Variants in EPHA3 observed in about 807,000 individuals in gnomAD.
EPHA3 encodes ephrin type-A receptor 3.
Under a neutral mutation model 107.1 loss-of-function variants are expected in EPHA3, and 42 were observed. That is an observed-to-expected ratio of 0.39 (90% CI 0.31 to 0.51). The LOEUF is 0.51. EPHA3 is among the 20% of genes least tolerant of loss of function. The pLI is 0.78. For synonymous variants in EPHA3, 461 were observed against 424.8 expected (o/e 1.09, Z -1.05); for missense variants, 1,183 against 1,211.2 (o/e 0.98, Z 0.35).
intron 1 of EPHA3, among the ~76,000 whole-genome samples, chr3:89,126,046 C>T (rs1704090588): frequency 6.6e-6 from 1 of 151,500 alleles, no homozygotes; most frequent in Admixed American, 6.6e-5. Context: ...AAGGATGGTG[C>T]TTTTCATGTA....
At chr3:89,397,180 T>C (rs2107505657) in intron 6 of EPHA3, among the ~76,000 whole-genome samples, 1 of 152,340 alleles carries the variant, frequency 6.6e-6, no homozygotes, top group East Asian at 1.9e-4. Context: ...TAGTCTCTCT[T>C]ACAGAAAGCC....
chr3:89,119,288 G>T (rs1462932845), intron 1 of EPHA3, among the ~76,000 whole-genome samples: 1 of 152,052 alleles, frequency 6.6e-6, no homozygotes, highest in Non-Finnish European at 1.5e-5. Flanking sequence ...AAAAACTTCT[G>T]TAGGTGCTAT....
In EPHA3 at chr3:89,280,009, C is replaced by A. The variant is rs1162048691; in HGVS notation, c.815-60907C>A. On this transcript the variant is annotated intron_variant, in intron 3 of 16. Coordinates refer to ENST00000336596, the MANE Select transcript of EPHA3 (RefSeq NM_005233.6). ...AGAGTTATTGATCACAATGTTTCAA[C>A]AATTCTTGTGTGCACCTGTGTGTGT... Among the ~76,000 whole-genome samples, 3 of 149,612 alleles carry A rather than the reference C, an allele frequency of 2.0e-5. No individual in the cohort carries two copies. The East Asian group carries it at 5.9e-4, about 29-fold the overall frequency.
chr3:89,238,939 G>A (rs1236122399), intron 3 of EPHA3, among the ~76,000 whole-genome samples: 5 of 152,150 alleles, frequency 3.3e-5, no homozygotes, highest in Non-Finnish European at 5.9e-5. Context: ...CTCAGAAACA[G>A]AAACCTATTG....
chr3:89,259,936 G>T (rs1233832234), intron 3 of EPHA3, among the ~76,000 whole-genome samples: 1 of 151,960 alleles, frequency 6.6e-6, no homozygotes, highest in Non-Finnish European at 1.5e-5. Flanking sequence ...TCTGTGTTTT[G>T]CTTATTTCAT....
At chr3:89,333,998 T>A (rs13100388) in intron 3 of EPHA3, among the ~76,000 whole-genome samples, 70,431 of 152,098 alleles carry the variant, frequency 0.46, 16,642 homozygotes, top group African/African-American at 0.52. Flanking sequence ...AAATATCTTA[T>A]ATTTTTAAAA....
intron 5 of EPHA3, among the ~76,000 whole-genome samples, chr3:89,391,871 AAATATT>A (rs1708751012): frequency 6.6e-6 from 1 of 152,176 alleles, no homozygotes; most frequent in South Asian, 2.1e-4. Flanking sequence ...ATTAAAGATC[AAATATT>A]AATATTATTT....
intron 3 of EPHA3, among the ~76,000 whole-genome samples, chr3:89,266,900 A>G (rs1705550583): frequency 6.6e-6 from 1 of 152,162 alleles, no homozygotes; most frequent in Non-Finnish European, 1.5e-5. Context: ...AATTTTCTTC[A>G]GAAATAGAAA....
intron 2 of EPHA3, among the ~76,000 whole-genome samples, chr3:89,183,435 T>TA (rs1455682577): frequency 6.6e-6 from 1 of 151,856 alleles, no homozygotes. Context: ...TACATCATCC[T>TA]ACCAAATACC....
At chr3:89,388,797 C>G (rs994407984) in intron 5 of EPHA3, among the ~76,000 whole-genome samples, 1 of 152,182 alleles carries the variant, frequency 6.6e-6, no homozygotes, top group Non-Finnish European at 1.5e-5. Context: ...ATCTCCAGAC[C>G]GTTCTGTTGG....
intron 5 of EPHA3, among the ~76,000 whole-genome samples, chr3:89,372,489 A>T (rs1173458250): frequency 6.6e-6 from 1 of 151,732 alleles, no homozygotes; most frequent in Non-Finnish European, 1.5e-5. Flanking sequence ...TGCAATTTGC[A>T]ATTGGCATAT....
chr3:89,397,017 G>A (rs890648493), intron 6 of EPHA3, among the ~76,000 whole-genome samples: 1 of 152,008 alleles, frequency 6.6e-6, no homozygotes, highest in Admixed American at 6.6e-5. Context: ...CCCTATATCA[G>A]GTACCTTTTT....
chr3:89,295,792 G>T (rs1317792210), intron 3 of EPHA3, among the ~76,000 whole-genome samples: 1 of 151,598 alleles, frequency 6.6e-6, no homozygotes, highest in Non-Finnish European at 1.5e-5. Context: ...GTTTCCCTAT[G>T]TTGGCCAGGC....
intron 2 of EPHA3, among the ~76,000 whole-genome samples, chr3:89,161,979 A>AAATAAT (rs34967372): frequency 3.4e-5 from 5 of 149,170 alleles, no homozygotes; most frequent in African/African-American, 7.4e-5. Context: ...CTCTGTCTCA[A>AAATAAT]AATAATAATA....
Position 89,107,681 on chromosome 3 carries a change from G to C in EPHA3, c.-68G>C. ...TGGTAACTTCTCCAGCAATCAGAGC[G>C]CTCCCCCTCACATCAGTGGCATGCT... On this transcript the variant is annotated 5_prime_UTR_variant, in exon 1 of 17. Transcript: ENST00000336596. The C allele has an allele frequency of 7.1e-7, 1 of 1,403,968 alleles. No individual in the cohort carries two copies. The highest frequency in any genetic ancestry group is 1.7e-5 in the Admixed American group (1 of 58,586). 87.0% of individuals were successfully genotyped at this position (1,403,968 alleles called of 1,614,324 possible).
At chr3:89,116,304 A>G (rs1477296475) in intron 1 of EPHA3, among the ~76,000 whole-genome samples, 2 of 152,212 alleles carry the variant, frequency 1.3e-5, no homozygotes, top group Admixed American at 1.3e-4. Flanking sequence ...ATAAAAATGA[A>G]GTGTGAATTA....
chr3:89,388,646 C>T (rs1324268507), intron 5 of EPHA3, among the ~76,000 whole-genome samples: 2 of 152,062 alleles, frequency 1.3e-5, no homozygotes. Flanking sequence ...AATGACAAAG[C>T]TGGTATGTAT....
intron 16 of EPHA3, among the ~76,000 whole-genome samples, chr3:89,478,131 C>T (rs1158463773): frequency 6.6e-6 from 1 of 152,130 alleles, no homozygotes; most frequent in African/African-American, 2.4e-5. Flanking sequence ...ACCATTTGCA[C>T]ATTAGCTGTC....
chr3:89,359,842 T>TAC (rs1320668462), intron 5 of EPHA3, among the ~76,000 whole-genome samples: 2 of 113,282 alleles, frequency 1.8e-5, no homozygotes, highest in Admixed American at 8.8e-5. Context: ...TACATATATA[T>TAC]ATATGCATAT....
Sources: gnomAD v4.1 joint callset for allele counts (sites outside exome capture counted in the v4.1 genomes callset) on GRCh38, gnomAD v4.1.1 for gene constraint, MANE v1.5 for transcripts, NCBI Gene and HGNC (gene_info 2026-07-23, HGNC 2026-07-21) for gene names.